The following ROBO1 variants were observed in gnomAD, a reference collection of about 807,000 sequenced individuals.
ROBO1 encodes roundabout guidance receptor 1.
ROBO1 carries 149 observed loss-of-function variants against 195.9 expected under a neutral mutation model. The observed-to-expected ratio is 0.76, with a 90% CI of 0.67 to 0.87. The LOEUF is 0.87. ROBO1 is among the 40% of genes least tolerant of loss of function. The probability of loss-of-function intolerance (pLI) is 0.00; values close to 1 mark genes in which losing one functional copy is unlikely to be tolerated. For synonymous variants in ROBO1, 816 were observed against 733.2 expected (o/e 1.11, Z -1.82); for missense variants, 1,933 against 2,068.3 (o/e 0.93, Z 1.27).
intron 2 of ROBO1, among the ~76,000 whole-genome samples, chr3:79,313,239 T>A (rs2033573880): frequency 6.7e-6 from 1 of 149,460 alleles, no homozygotes; most frequent in Non-Finnish European, 1.5e-5. Flanking sequence ...TTGAAAAAAA[T>A]CATATAAAGA....
At chr3:79,680,334 A>G (rs73849488) in intron 1 of ROBO1, among the ~76,000 whole-genome samples, 1,718 of 152,188 alleles carry the variant, frequency 0.011, 28 homozygotes, top group African/African-American at 0.039. Flanking sequence ...ACTAGTGACT[A>G]CGAGACAGTC....
intron 3 of ROBO1, among the ~76,000 whole-genome samples, chr3:78,953,564 G>A (rs1257704042): frequency 6.6e-6 from 1 of 151,782 alleles, no homozygotes; most frequent in South Asian, 2.1e-4. Flanking sequence ...ATATTAACAA[G>A]AATAATATTG....
At chr3:79,483,553 G>A (rs1451724815) in intron 2 of ROBO1, among the ~76,000 whole-genome samples, 1 of 152,178 alleles carries the variant, frequency 6.6e-6, no homozygotes, top group Non-Finnish European at 1.5e-5. Context: ...AGATGCTATA[G>A]CCTACTACAT....
intron 2 of ROBO1, among the ~76,000 whole-genome samples, chr3:79,365,620 G>T (rs1039745713): frequency 6.6e-6 from 1 of 152,078 alleles, no homozygotes; most frequent in Middle Eastern, 3.2e-3. Context: ...TCCCAGGGCC[G>T]GGCACGGTGG....
chr3:79,318,029 CAGGT>C (rs1057086678), intron 2 of ROBO1, among the ~76,000 whole-genome samples: 8 of 152,154 alleles, frequency 5.3e-5, no homozygotes, highest in Admixed American at 3.3e-4. Context: ...CAAAGGTCAG[CAGGT>C]TGCTGTAGAA....
chr3:79,702,730 G>A (rs1947655182), intron 1 of ROBO1, among the ~76,000 whole-genome samples: 4 of 151,938 alleles, frequency 2.6e-5, no homozygotes, highest in African/African-American at 9.7e-5. Context: ...CAGGTAAAAT[G>A]GCTTTAACTT....
rs79235293 is a variant in ROBO1, at chr3:79,006,377, A to G, written c.173-67450T>C. Among the ~76,000 whole-genome samples the G allele has an allele frequency of 5.4e-3, 820 of 152,334 alleles. 10 individuals carry two copies. The highest frequency in any genetic ancestry group is 0.019 in the African/African-American group (784 of 41,570). On this transcript the variant is annotated intron_variant, in intron 3 of 30. Coordinates refer to ENST00000464233, the MANE Select transcript of ROBO1 (RefSeq NM_002941.4). The stretch of plus-strand genomic sequence containing the variant: ...ATGAAAAGGTAAAACACAGAAGATA[A>G]CAAAAAGTAAGGAGATACTGATGTA...
At chr3:78,622,134 GA>G (rs1362302683) in intron 26 of ROBO1, among the ~76,000 whole-genome samples, 2 of 151,754 alleles carry the variant, frequency 1.3e-5, no homozygotes, top group African/African-American at 4.8e-5. Flanking sequence ...GCTATTGTTT[GA>G]AAAAAAGAGA....
chr3:78,890,463 G>C (rs900222926), intron 4 of ROBO1, among the ~76,000 whole-genome samples: 4 of 152,024 alleles, frequency 2.6e-5, no homozygotes, highest in Admixed American at 6.6e-5. Context: ...GCTGGAACCC[G>C]ACTTCTAGAC....
intron 4 of ROBO1, among the ~76,000 whole-genome samples, chr3:78,798,381 A>C (rs1460342515): frequency 6.6e-6 from 1 of 152,212 alleles, no homozygotes; most frequent in African/African-American, 2.4e-5. Flanking sequence ...ATTACTAAGT[A>C]GTATGGATAA....
At chr3:79,015,289 A>C (rs554175985) in intron 3 of ROBO1, among the ~76,000 whole-genome samples, 6 of 152,204 alleles carry the variant, frequency 3.9e-5, no homozygotes, top group African/African-American at 1.4e-4. Context: ...GAAGGAGGGA[A>C]AGAGGAAGAG....
Position 78,670,082 on chromosome 3 carries a change from C to A in ROBO1, c.1548+14G>T, listed in dbSNP as rs755787972. 6.4e-7 allele frequency: 1 copy of A among 1,569,740 alleles called. No individual in the cohort carries two copies. The highest frequency in any genetic ancestry group is 1.2e-5 in the South Asian group (1 of 86,856). On this transcript the variant is annotated intron_variant, in intron 11 of 30. Transcript: ENST00000464233. ...GAAACAAAACAAGAAACGCAAGGTGCCATTCCAAGTTACCTTAGCATATCG... is the reference window on the plus strand; with the variant it reads ...GAAACAAAACAAGAAACGCAAGGTGACATTCCAAGTTACCTTAGCATATCG...
In ROBO1 at chr3:79,683,819, A is replaced by T. The variant is rs151138436; in HGVS notation, c.-51+83933T>A. Among the ~76,000 whole-genome samples, 9 of 152,092 alleles carry T rather than the reference A, an allele frequency of 5.9e-5. 1 individual carries two copies. The East Asian group carries it at 1.5e-3, about 26-fold the overall frequency. ...GACTGAATAATATTTCATTGTTTGG[A>T]TATACTGTATACTGTGTATCTATTC... On this transcript the variant is annotated intron_variant, in intron 1 of 30. Transcript: ENST00000464233.
chr3:79,684,264 C>T (rs1400651277), intron 1 of ROBO1, among the ~76,000 whole-genome samples: 1 of 152,122 alleles, frequency 6.6e-6, no homozygotes, highest in Non-Finnish European at 1.5e-5. Context: ...GGAGAAATAT[C>T]TATTAAAACC....
intron 1 of ROBO1, among the ~76,000 whole-genome samples, chr3:79,643,217 T>C (rs1046067851): frequency 3.9e-5 from 6 of 152,198 alleles, no homozygotes; most frequent in Non-Finnish European, 7.3e-5. Context: ...GATTCTGTAC[T>C]CTTGGACACC....
At chr3:78,626,054 A>G in intron 26 of ROBO1, among the ~76,000 whole-genome samples, 1 of 152,276 alleles carries the variant, frequency 6.6e-6, no homozygotes, top group South Asian at 2.1e-4. Context: ...TAAGAGATAC[A>G]AAAGAAGAGC....
intron 5 of ROBO1, among the ~76,000 whole-genome samples, chr3:78,746,166 A>G (rs2082652186): frequency 6.6e-6 from 1 of 152,216 alleles, no homozygotes; most frequent in South Asian, 2.1e-4. Context: ...GACTTCATAC[A>G]AATCACATAT....
At chr3:78,740,777 G>A (rs2082512504) in intron 5 of ROBO1, among the ~76,000 whole-genome samples, 1 of 151,952 alleles carries the variant, frequency 6.6e-6, no homozygotes, top group Non-Finnish European at 1.5e-5. Flanking sequence ...CTGGCAAAAG[G>A]AACTTTTTTC....
At chr3:78,766,463 T>C (rs1239274980) in intron 4 of ROBO1, among the ~76,000 whole-genome samples, 2 of 152,206 alleles carry the variant, frequency 1.3e-5, no homozygotes, top group Non-Finnish European at 2.9e-5. Flanking sequence ...TGTACATTAA[T>C]CTTGTATCCG....
Sources: gnomAD v4.1 joint callset for allele counts (sites outside exome capture counted in the v4.1 genomes callset) on GRCh38, gnomAD v4.1.1 for gene constraint, MANE v1.5 for transcripts, NCBI Gene and HGNC (gene_info 2026-07-23, HGNC 2026-07-21) for gene names.